CDK6: variants seen among roughly 807,000 people sequenced by gnomAD.
CDK6 encodes the protein cyclin-dependent kinase 6.
CDK6 carries 6 observed loss-of-function variants against 37.1 expected under a neutral mutation model. The ratio of observed to expected loss-of-function variants is 0.16; its 90% confidence interval spans 0.09 to 0.32. The LOEUF (loss-of-function observed/expected upper bound fraction) is 0.32, where lower values mean the gene tolerates loss of function less well. Ranked by LOEUF, CDK6 falls within the 10% of genes least tolerant of loss-of-function variation. The pLI, the probability that CDK6 is intolerant of heterozygous loss-of-function variation, is 1.00. For missense variants in CDK6, 224 were observed against 418.9 expected (o/e 0.53, Z 4.06); for synonymous variants, 160 against 161.3 (o/e 0.99, Z 0.06).
intron 2 of CDK6, among the ~76,000 whole-genome samples, chr7:92,793,204 C>T (rs1033407590): frequency 6.6e-6 from 1 of 152,028 alleles, no homozygotes; most frequent in African/African-American, 2.4e-5. Context: ...CAATGCAATC[C>T]ACATCAAAAT....
intron 4 of CDK6, among the ~76,000 whole-genome samples, chr7:92,682,825 AC>A (rs1261865941): frequency 6.6e-6 from 1 of 152,198 alleles, no homozygotes; most frequent in East Asian, 1.9e-4. Context: ...TCAACAGATG[AC>A]TTTTTAATAA....
At chr7:92,644,085 G>A (rs922328944) in intron 5 of CDK6, among the ~76,000 whole-genome samples, 1 of 152,218 alleles carries the variant, frequency 6.6e-6, no homozygotes, top group Non-Finnish European at 1.5e-5. Flanking sequence ...CTTTCTCAGT[G>A]CTATCTGTGC....
intron 5 of CDK6, among the ~76,000 whole-genome samples, chr7:92,629,415 AAGAAAG>A (rs879449939): frequency 7.8e-4 from 112 of 143,330 alleles, no homozygotes; most frequent in Non-Finnish European, 1.4e-3. Flanking sequence ...GATGGAGAGA[AAGAAAG>A]AGAGGGAGAG....
intron 5 of CDK6, among the ~76,000 whole-genome samples, chr7:92,667,604 C>T (rs374229749): frequency 2.0e-5 from 3 of 148,228 alleles, no homozygotes; most frequent in African/African-American, 7.5e-5. Flanking sequence ...GGCTGGAGTG[C>T]AGTGGTGTGA....
intron 3 of CDK6, among the ~76,000 whole-genome samples, chr7:92,740,454 T>C (rs3802076): frequency 0.18 from 27,231 of 152,068 alleles, 3,876 homozygotes; most frequent in African/African-American, 0.39. Context: ...TCGTATAATC[T>C]CACAATGCTC....
intron 5 of CDK6, among the ~76,000 whole-genome samples, chr7:92,639,840 T>C (rs1017436970): frequency 6.6e-6 from 1 of 152,192 alleles, no homozygotes; most frequent in African/African-American, 2.4e-5. Flanking sequence ...TTAATACTGT[T>C]ACTGGATTTG....
intron 5 of CDK6, among the ~76,000 whole-genome samples, chr7:92,632,742 A>G (rs1278522089): frequency 6.6e-6 from 1 of 152,138 alleles, no homozygotes; most frequent in Non-Finnish European, 1.5e-5. Context: ...TACCCCATAT[A>G]TATCTACTAT....
chr7:92,672,206 C>G (rs1045580853), intron 4 of CDK6, among the ~76,000 whole-genome samples: 13 of 127,484 alleles, frequency 1.0e-4, no homozygotes, highest in African/African-American at 2.2e-4. Flanking sequence ...CACACACACA[C>G]ACACACACAC....
rs1795645566 is a variant in CDK6 at position 92,615,123 on chromosome 7, A to G, written c.*17T>C. On this transcript the variant is annotated 3_prime_UTR_variant, in exon 8 of 8. Transcript: ENST00000424848. Reference sequence around the variant, plus strand: ...GGGTGTTCTCCGCAGGATCAGCTTAAGGCGGCTGCTGAGGCCTCAGGCTGT... The same window carrying G: ...GGGTGTTCTCCGCAGGATCAGCTTAGGGCGGCTGCTGAGGCCTCAGGCTGT... 2 of 1,613,038 alleles carry G rather than the reference A, an allele frequency of 1.2e-6. No homozygotes were observed. Among genetic ancestry groups the G allele is most frequent in the African/African-American group, 1.3e-5 (1 of 75,010 alleles).
intron 4 of CDK6, among the ~76,000 whole-genome samples, chr7:92,682,407 C>T (rs1032669077): frequency 2.0e-5 from 3 of 152,108 alleles, no homozygotes; most frequent in East Asian, 3.9e-4. Context: ...TTCCCATAGG[C>T]CCTTCTCTGG....
rs927739228 is a variant in CDK6, at chr7:92,811,276, T to C, written c.233+21815A>G. ...CTGGGATTCAACTACAGTTATAATG[T>C]TGTATCTACTAGAAATCCTGAGTGC... On this transcript the variant is annotated intron_variant, in intron 2 of 7. Coordinates refer to ENST00000424848, the MANE Select transcript of CDK6 (RefSeq NM_001145306.2). Among the ~76,000 whole-genome samples the C allele has an allele frequency of 4.3e-4, 65 of 152,120 alleles. 1 individual carries two copies. The highest frequency in any genetic ancestry group is 1.4e-3 in the African/African-American group (57 of 41,420).
At chr7:92,687,537 T>C (rs1797488250) in intron 4 of CDK6, among the ~76,000 whole-genome samples, 1 of 152,198 alleles carries the variant, frequency 6.6e-6, no homozygotes, top group Admixed American at 6.5e-5. Context: ...TGAAAAGTGT[T>C]CTAGATTAAC....
intron 4 of CDK6, among the ~76,000 whole-genome samples, chr7:92,700,243 T>C (rs534907518): frequency 6.6e-6 from 1 of 152,300 alleles, no homozygotes; most frequent in African/African-American, 2.4e-5. Flanking sequence ...GGGGAGGTAC[T>C]AAAGGGTTTT....
At chr7:92,621,803 A>G (rs1451471307) in intron 6 of CDK6, among the ~76,000 whole-genome samples, 1 of 152,184 alleles carries the variant, frequency 6.6e-6, no homozygotes, top group African/African-American at 2.4e-5. Context: ...TGGACCCAGG[A>G]AGCCCCCAGG....
intron 7 of CDK6, 69 bp downstream of exon 7, chr7:92,618,003 C>T (rs1795718305): frequency 6.0e-6 from 9 of 1,511,520 alleles, no homozygotes; most frequent in South Asian, 3.7e-5. Flanking sequence ...TTGTGCCCAC[C>T]ACCCAGTCTG....
intron 4 of CDK6, among the ~76,000 whole-genome samples, chr7:92,697,811 G>A (rs1797754931): frequency 6.6e-6 from 1 of 152,206 alleles, no homozygotes; most frequent in Non-Finnish European, 1.5e-5. Context: ...CAGAGGTGAA[G>A]AAGCTGCAAT....
chr7:92,811,400 C>T (rs951725300), intron 2 of CDK6, among the ~76,000 whole-genome samples: 1 of 152,088 alleles, frequency 6.6e-6, no homozygotes, highest in African/African-American at 2.4e-5. Flanking sequence ...TTTACGCCCT[C>T]CTTACCGTGT....
intron 3 of CDK6, among the ~76,000 whole-genome samples, chr7:92,757,198 A>G (rs2115705025): frequency 6.6e-6 from 1 of 152,312 alleles, no homozygotes; most frequent in South Asian, 2.1e-4. Flanking sequence ...AAGATTTTTT[A>G]TATAGGTAAA....
chr7:92,735,569 G>A (rs1473595369), intron 3 of CDK6, among the ~76,000 whole-genome samples: 1 of 152,104 alleles, frequency 6.6e-6, no homozygotes, highest in Non-Finnish European at 1.5e-5. Context: ...TTATAGATTT[G>A]ATTTGTTTTT....
Sources: allele counts gnomAD v4.1 joint callset (sites outside exome capture counted in the v4.1 genomes callset), GRCh38; gene constraint gnomAD v4.1.1; transcripts MANE v1.5; gene names NCBI Gene and HGNC (gene_info 2026-07-23, HGNC 2026-07-21).